Variants in FRRS1 observed in about 807,000 individuals in gnomAD.
FRRS1 encodes the protein ferric reductase 1.
A neutral mutation model predicts 70.7 loss-of-function variants in FRRS1; 51 were observed. That is an observed-to-expected ratio of 0.72 (90% CI 0.58 to 0.91). FRRS1 has a LOEUF of 0.91. Among genes scored for constraint, FRRS1 ranks in the 40% least tolerant of loss-of-function variants. The pLI is 0.00. For synonymous variants in FRRS1, 225 were observed against 238.7 expected, an observed-to-expected ratio of 0.94 and a Z score of 0.53; for missense variants, 672 against 726.0, an observed-to-expected ratio of 0.93 and a Z score of 0.86.
In FRRS1 at chr1:99,708,953, T is replaced by C. The variant is rs1177670088; in HGVS notation, c.*75A>G. ...GAATTCACAAATATGCTCCAGGCAG[T>C]CAGGACAGGCTTCAAGTTTCTTTGG... On this transcript the variant is annotated 3_prime_UTR_variant, in exon 17 of 17. Coordinates refer to ENST00000646001, the MANE Select transcript of FRRS1 (RefSeq NM_001361041.2). The C allele has an allele frequency of 6.2e-7, 1 of 1,614,018 alleles. No individual in the cohort carries two copies. The highest frequency in any genetic ancestry group is 8.5e-7 in the Non-Finnish European group (1 of 1,179,978).
At chr1:99,739,578 G>A (rs900273240) in intron 6 of FRRS1, among the ~76,000 whole-genome samples, 2 of 152,108 alleles carry the variant, frequency 1.3e-5, no homozygotes, top group Non-Finnish European at 1.5e-5. Flanking sequence ...GGAGCAAAGC[G>A]CATTACTTTG....
chr1:99,744,408 G>C (rs1164065378), intron 4 of FRRS1, among the ~76,000 whole-genome samples: 1 of 152,170 alleles, frequency 6.6e-6, no homozygotes, highest in Non-Finnish European at 1.5e-5. Flanking sequence ...TATTGACCAA[G>C]AGGCAACAGG....
intron 9 of FRRS1, among the ~76,000 whole-genome samples, chr1:99,725,524 C>A (rs1327517837): frequency 2.0e-5 from 3 of 152,152 alleles, no homozygotes; most frequent in Non-Finnish European, 4.4e-5. Context: ...CTCAGTGGGT[C>A]TGAGATGGGG....
chr1:99,737,441 T>C (rs1655728374), intron 7 of FRRS1, among the ~76,000 whole-genome samples: 1 of 152,266 alleles, frequency 6.6e-6, no homozygotes, highest in South Asian at 2.1e-4. Context: ...TAAACAATTC[T>C]GGTTTGAAAA....
At chr1:99,725,190 A>G (rs1164418588) in intron 9 of FRRS1, among the ~76,000 whole-genome samples, 1 of 152,212 alleles carries the variant, frequency 6.6e-6, no homozygotes, top group Non-Finnish European at 1.5e-5. Context: ...CTGACAGGAC[A>G]GTAATGCTCA....
intron 7 of FRRS1, 107 bp downstream of exon 7, chr1:99,737,979 G>A (rs560387100): frequency 5.1e-5 from 44 of 857,272 alleles, no homozygotes; most frequent in Non-Finnish European, 7.9e-5. Flanking sequence ...CCGACCTCGT[G>A]ATCCACCTGC....
intron 1 of FRRS1, among the ~76,000 whole-genome samples, chr1:99,758,063 G>C (rs71660907): frequency 0.046 from 6,967 of 152,218 alleles, 228 homozygotes; most frequent in South Asian, 0.17. Context: ...AGGGGAAAGA[G>C]GAACTTGTCA....
In FRRS1 at chr1:99,747,359, G is replaced by A; in HGVS notation, c.268C>T (p.Pro90Ser). ...TCAATCAATGTGAAGGAGCCAATAG[G>A]AGGGCCATTCAGATCCTCAGCATTA... ...ARNAEDLNGP[P>S]IGSFTLIDSE... Residue 90 changes from proline to serine, a missense_variant, in exon 4 of 17, where the codon CCT becomes TCT. Pro to Ser is a moderately conservative substitution (Grantham distance 74). Transcript: ENST00000646001. 3 of 1,613,922 alleles carry A rather than the reference G, an allele frequency of 1.9e-6. No homozygotes were observed. Among genetic ancestry groups the A allele is most frequent in the Non-Finnish European group, 2.5e-6 (3 of 1,179,806 alleles).
chr1:99,757,566 GGTT>G (rs1557709159), intron 1 of FRRS1, among the ~76,000 whole-genome samples: 1 of 152,128 alleles, frequency 6.6e-6, no homozygotes. Flanking sequence ...GTATGAGAAA[GGTT>G]GTTGTTTAAC....
chr1:99,715,606 A>G lies in FRRS1; in HGVS notation c.1303T>C (p.Tyr435His). ...CTTACCCTACTCCAGCCTCCCCTGT[A>G]TATAAACGGCATAACAAAAGCAATG... ...TCIAFVMPFI[Y>H]RGGWSRHAGY... Residue 435 changes from tyrosine (Y) to histidine (H), a missense_variant, in exon 12 of 17, where the codon TAC becomes CAC. Coordinates refer to ENST00000646001, the MANE Select transcript of FRRS1 (RefSeq NM_001361041.2). 2 of 1,611,768 alleles carry G rather than the reference A, an allele frequency of 1.2e-6. No homozygotes were observed. The highest frequency in any genetic ancestry group is 8.5e-7 in the Non-Finnish European group (1 of 1,177,836).
At chr1:99,732,035 T>C (rs1183118592) in intron 7 of FRRS1, among the ~76,000 whole-genome samples, 2 of 152,200 alleles carry the variant, frequency 1.3e-5, no homozygotes, top group East Asian at 1.9e-4. Flanking sequence ...AATTCTTTTG[T>C]TACACAAAAA....
chr1:99,736,287 G>A (rs961687450), intron 7 of FRRS1, among the ~76,000 whole-genome samples: 3 of 152,148 alleles, frequency 2.0e-5, no homozygotes, highest in Non-Finnish European at 2.9e-5. Context: ...CGCATCAGCT[G>A]AGCAAGTATA....
At chr1:99,739,457 C>A (rs1272040785) in intron 6 of FRRS1, among the ~76,000 whole-genome samples, 1 of 152,106 alleles carries the variant, frequency 6.6e-6, no homozygotes, top group Admixed American at 6.6e-5. Flanking sequence ...AGAGCTAGTA[C>A]AAATAACAGA....
chr1:99,723,143 CAT>C (rs1654916999), intron 9 of FRRS1, among the ~76,000 whole-genome samples: 1 of 152,106 alleles, frequency 6.6e-6, no homozygotes, highest in African/African-American at 2.4e-5. Flanking sequence ...TTGAAAGACA[CAT>C]ATGCAGGATT....
At chr1:99,732,735 AAAGTATTG>A (rs1225452955) in intron 7 of FRRS1, among the ~76,000 whole-genome samples, 2 of 152,182 alleles carry the variant, frequency 1.3e-5, no homozygotes, top group African/African-American at 4.8e-5. Context: ...AAGTATTCCC[AAAGTATTG>A]AGCACCATGC....
rs145832924 is a variant in FRRS1 at position 99,733,646 on chromosome 1, A to G, written c.760-3898T>C. Among the ~76,000 whole-genome samples, 13 of 152,350 alleles carry G rather than the reference A, an allele frequency of 8.5e-5. No individual in the cohort carries two copies. The East Asian group carries it at 2.5e-3, about 29-fold the overall frequency. On this transcript the variant is annotated intron_variant, in intron 7 of 16. Coordinates refer to ENST00000646001, the MANE Select transcript of FRRS1 (RefSeq NM_001361041.2). ...ACAACACAATGGACAAAAGAAACCCATTAGTCCACAGTGTTATATAAAAGG... is the reference window on the plus strand; with the variant it reads ...ACAACACAATGGACAAAAGAAACCCGTTAGTCCACAGTGTTATATAAAAGG...
chr1:99,765,058 T>C (rs866592079), intron 1 of FRRS1, among the ~76,000 whole-genome samples: 1 of 152,192 alleles, frequency 6.6e-6, no homozygotes, highest in Non-Finnish European at 1.5e-5. Context: ...ACAGTACTCA[T>C]ACAGTGTGAT....
intron 7 of FRRS1, among the ~76,000 whole-genome samples, chr1:99,737,216 C>T (rs1655716971): frequency 6.6e-6 from 1 of 152,138 alleles, no homozygotes; most frequent in Non-Finnish European, 1.5e-5. Flanking sequence ...ACAAGGCTGC[C>T]ACCTACAGAA....
At chr1:99,728,702 G>T in intron 8 of FRRS1, 62 bp from the exon 9 acceptor site, 2 of 1,465,714 alleles carry the variant, frequency 1.4e-6, no homozygotes, top group South Asian at 1.2e-5. Context: ...AATAAGATAT[G>T]ATCAAAATCC....
Sources: allele counts gnomAD v4.1 joint callset (sites outside exome capture counted in the v4.1 genomes callset), GRCh38; gene constraint gnomAD v4.1.1; transcripts MANE v1.5; gene names NCBI Gene and HGNC (gene_info 2026-07-23, HGNC 2026-07-21).